Variants in ARHGAP10 observed in about 807,000 individuals in gnomAD.
The protein encoded by ARHGAP10 is rho GTPase-activating protein 10.
ARHGAP10 carries 87 observed loss-of-function variants against 108.6 expected under a neutral mutation model. That is an observed-to-expected ratio of 0.80 (90% CI 0.67 to 0.96). The LOEUF (loss-of-function observed/expected upper bound fraction) is 0.96. ARHGAP10 is among the 40% of genes least tolerant of loss of function. The pLI, the probability that ARHGAP10 is intolerant of heterozygous loss-of-function variation, is 0.00. For missense variants in ARHGAP10, 939 were observed against 954.5 expected (o/e 0.98, Z 0.21); for synonymous variants, 347 against 341.1 (o/e 1.02, Z -0.19).
At chr4:147,734,377 C>G (rs961988361) in intron 1 of ARHGAP10, among the ~76,000 whole-genome samples, 3 of 152,164 alleles carry the variant, frequency 2.0e-5, no homozygotes, top group Admixed American at 1.3e-4. Flanking sequence ...GAATTAGTAT[C>G]TTACTCATTT....
At chr4:147,869,925 T>G (rs1035546219) in intron 7 of ARHGAP10, among the ~76,000 whole-genome samples, 4 of 152,136 alleles carry the variant, frequency 2.6e-5, no homozygotes, top group Non-Finnish European at 5.9e-5. Flanking sequence ...CATTCCTTGA[T>G]GTCAGTTTTT....
At chr4:147,884,211 G>C (rs7687859) in intron 10 of ARHGAP10, among the ~76,000 whole-genome samples, 143,921 of 152,224 alleles carry the variant, frequency 0.95, 68,484 homozygotes, top group Non-Finnish European at 1. Context: ...CCTTGATCAT[G>C]CCCAATTTTC....
Position 147,864,834 on chromosome 4 carries a change from A to T in ARHGAP10, c.487-12A>T. On this transcript the variant is annotated splice_polypyrimidine_tract_variant and intron_variant, in intron 5 of 22. Coordinates refer to ENST00000336498, the MANE Select transcript of ARHGAP10 (RefSeq NM_024605.4). ...ATCTCCAGTTTGACTAACCTCTGTG[A>T]TTTTAACATAGGCAGATATCCAAGT... 1 of 1,610,762 alleles carries T rather than the reference A, an allele frequency of 6.2e-7. No individual in the cohort carries two copies. Among genetic ancestry groups the T allele is most frequent in the Non-Finnish European group, 8.5e-7 (1 of 1,177,820 alleles).
At chr4:148,033,872 G>T (rs909087122) in intron 19 of ARHGAP10, among the ~76,000 whole-genome samples, 1 of 152,166 alleles carries the variant, frequency 6.6e-6, no homozygotes, top group African/African-American at 2.4e-5. Flanking sequence ...TTCACCTTTT[G>T]CCCAGGCTGC....
intron 1 of ARHGAP10, among the ~76,000 whole-genome samples, chr4:147,784,895 T>C (rs1350309835): frequency 1.7e-5 from 2 of 121,142 alleles, no homozygotes; most frequent in African/African-American, 3.2e-5. Flanking sequence ...TATTATAAAA[T>C]ATATATTATA....
chr4:147,946,013 G>A (rs1272704777), intron 14 of ARHGAP10, among the ~76,000 whole-genome samples: 3 of 152,164 alleles, frequency 2.0e-5, no homozygotes, highest in African/African-American at 2.4e-5. Flanking sequence ...CCCAGTGCGC[G>A]TGTGGGCCCT....
At chr4:148,012,720 A>G (rs1157334272) in intron 18 of ARHGAP10, among the ~76,000 whole-genome samples, 1 of 152,194 alleles carries the variant, frequency 6.6e-6, no homozygotes, top group Non-Finnish European at 1.5e-5. Flanking sequence ...ATCAACCCAT[A>G]TATTGCAGAG....
chr4:147,834,866 C>G (rs1446801697), intron 3 of ARHGAP10, among the ~76,000 whole-genome samples: 2 of 151,796 alleles, frequency 1.3e-5, no homozygotes, highest in Non-Finnish European at 2.9e-5. Flanking sequence ...CTGGCTCCCT[C>G]CCCATTTTCT....
chr4:147,824,582 G>A (rs751107395), intron 3 of ARHGAP10, among the ~76,000 whole-genome samples: 3 of 152,232 alleles, frequency 2.0e-5, no homozygotes, highest in Middle Eastern at 3.4e-3. Context: ...GGGAGGCCTC[G>A]GGAAACTTAC....
chr4:148,009,957 C>T (rs1221377072), intron 18 of ARHGAP10, among the ~76,000 whole-genome samples: 3 of 152,106 alleles, frequency 2.0e-5, no homozygotes, highest in African/African-American at 7.2e-5. Context: ...AGTTCTGTTC[C>T]TTAGAGTGAA....
At chr4:147,918,133 A>ATTTTTTTTTTTT (rs760617123) in intron 13 of ARHGAP10, among the ~76,000 whole-genome samples, 1 of 129,998 alleles carries the variant, frequency 7.7e-6, no homozygotes, top group African/African-American at 3.2e-5. Context: ...TCTCATTAAG[A>ATTTTTTTTTTTT]TTTTTTTTTT....
intron 1 of ARHGAP10, among the ~76,000 whole-genome samples, chr4:147,800,541 T>A (rs879700546): frequency 2.0e-5 from 3 of 152,168 alleles, no homozygotes. Context: ...GTCATAGGAA[T>A]GAGCCTACCT....
At chr4:147,907,107 T>C (rs1378514804) in intron 11 of ARHGAP10, among the ~76,000 whole-genome samples, 1 of 152,216 alleles carries the variant, frequency 6.6e-6, no homozygotes, top group East Asian at 1.9e-4. Context: ...ATATTATAGG[T>C]GACTGCTGTA....
intron 15 of ARHGAP10, among the ~76,000 whole-genome samples, chr4:147,952,880 G>A (rs1483575551): frequency 6.6e-6 from 1 of 151,828 alleles, no homozygotes; most frequent in Non-Finnish European, 1.5e-5. Context: ...AAGTTTTATA[G>A]TTTTAGGTTT....
At chr4:148,041,682 G>A (rs1021217994) in intron 19 of ARHGAP10, among the ~76,000 whole-genome samples, 1 of 152,150 alleles carries the variant, frequency 6.6e-6, no homozygotes, top group Admixed American at 6.5e-5. Flanking sequence ...TGAAAATAAA[G>A]CACTTGTTCA....
chr4:147,742,476 CTTTTTT>C (rs11420720), intron 1 of ARHGAP10, among the ~76,000 whole-genome samples: 10 of 86,494 alleles, frequency 1.2e-4, no homozygotes, highest in South Asian at 4.7e-4. Flanking sequence ...TCTGTGAACA[CTTTTTT>C]TTTTTTTTTT....
chr4:148,014,012 C>T (rs1169730546), intron 18 of ARHGAP10, among the ~76,000 whole-genome samples: 1 of 151,802 alleles, frequency 6.6e-6, no homozygotes, highest in East Asian at 1.9e-4. Context: ...GCTTGAGGCT[C>T]TGAAAGAAGG....
chr4:148,049,320 A>C (rs34957409), intron 20 of ARHGAP10, among the ~76,000 whole-genome samples: 1 of 152,030 alleles, frequency 6.6e-6, no homozygotes, highest in African/African-American at 2.4e-5. Context: ...CTTGATATGG[A>C]AGACCATCCC....
intron 3 of ARHGAP10, among the ~76,000 whole-genome samples, chr4:147,838,833 T>C (rs1366724678): frequency 6.6e-6 from 1 of 152,248 alleles, no homozygotes; most frequent in Non-Finnish European, 1.5e-5. Flanking sequence ...TGAAGTCATC[T>C]CTGGAATTGT....
Sources: allele counts gnomAD v4.1 joint callset (sites outside exome capture counted in the v4.1 genomes callset), GRCh38; gene constraint gnomAD v4.1.1; transcripts MANE v1.5; gene names NCBI Gene and HGNC (gene_info 2026-07-23, HGNC 2026-07-21).